The following ANK2 variants were observed in gnomAD, a reference collection of about 807,000 sequenced individuals.
ANK2 encodes ankyrin-2.
In ANK2, 83 loss-of-function variants were observed where a neutral mutation model predicts 360.5. The ratio of observed to expected loss-of-function variants is 0.23; its 90% confidence interval spans 0.19 to 0.28. ANK2 has a LOEUF of 0.28. Ranked by LOEUF, ANK2 falls within the 10% of genes least tolerant of loss-of-function variation. The pLI is 1.00. For missense variants in ANK2, 4,201 were observed against 4,795.7 expected (o/e 0.88, Z 3.66); for synonymous variants, 1,740 against 1,759.5 (o/e 0.99, Z 0.28).
chr4:113,299,433 G>A (rs1295639686), intron 22 of ANK2, among the ~76,000 whole-genome samples: 2 of 152,240 alleles, frequency 1.3e-5, no homozygotes, highest in African/African-American at 2.4e-5. Flanking sequence ...GGTCAGCCGC[G>A]GTAGCTCACA....
intron 1 of ANK2, among the ~76,000 whole-genome samples, chr4:112,872,058 AT>A (rs2073277217): frequency 7.0e-6 from 1 of 143,248 alleles, no homozygotes; most frequent in East Asian, 2.0e-4. Flanking sequence ...CAGAGGTCTC[AT>A]TCTATTACCC....
the ANK2 span, among the ~76,000 whole-genome samples, chr4:112,786,326 T>A: frequency 2.6e-5 from 4 of 151,148 alleles, no homozygotes; most frequent in African/African-American, 9.7e-5. Context: ...TAGATCTCCA[T>A]CATTTTGTGT....
chr4:113,188,449 C>T (rs2153340102), intron 2 of ANK2, among the ~76,000 whole-genome samples: 1 of 152,216 alleles, frequency 6.6e-6, no homozygotes, highest in South Asian at 2.1e-4. Flanking sequence ...ATTTCTTCTA[C>T]TTATAGGGGG....
intron 26 of ANK2, among the ~76,000 whole-genome samples, chr4:113,322,359 T>C (rs2086760894): frequency 6.6e-6 from 1 of 152,226 alleles, no homozygotes; most frequent in African/African-American, 2.4e-5. Context: ...ATTTGCTGTT[T>C]ATTTTAAAGT....
At chr4:113,038,784 C>G (rs1158123763) in intron 2 of ANK2, among the ~76,000 whole-genome samples, 1 of 151,954 alleles carries the variant, frequency 6.6e-6, no homozygotes, top group African/African-American at 2.4e-5. Context: ...AGTGAAAACC[C>G]AAGCCATGTG....
chr4:112,712,355 C>T, the ANK2 span, among the ~76,000 whole-genome samples: 2 of 147,412 alleles, frequency 1.4e-5, no homozygotes, highest in Non-Finnish European at 3.0e-5. Flanking sequence ...GCTGGGATTA[C>T]AGGTGTGAGC....
chr4:113,213,811 T>C lies in ANK2; in HGVS notation c.384+14702T>C, dbSNP rs543153503. ...CCAAAAACCACTGCAAACATCAGTA[T>C]TCTCATTAAAGGCAGTAACAAGAAA... On this transcript the variant is annotated intron_variant, in intron 4 of 45. Transcript: ENST00000357077. 5.3e-5 allele frequency among the ~76,000 whole-genome samples: 8 copies of C among 152,244 alleles called. No homozygotes were observed. In the South Asian group the frequency reaches 1.7e-3, roughly 32 times the overall value.
chr4:112,723,044 C>T, the ANK2 span, among the ~76,000 whole-genome samples: 1 of 152,150 alleles, frequency 6.6e-6, no homozygotes, highest in Non-Finnish European at 1.5e-5. Flanking sequence ...AGTCTGGGCT[C>T]ATTGCCATCC....
At chr4:113,058,207 G>A (rs2071149354) in intron 1 of ANK2, among the ~76,000 whole-genome samples, 1 of 152,058 alleles carries the variant, frequency 6.6e-6, no homozygotes, top group African/African-American at 2.4e-5. Context: ...ATAGTTAAAG[G>A]AATAAAGGGG....
At chr4:112,808,329 A>G in the ANK2 span, among the ~76,000 whole-genome samples, 1 of 152,234 alleles carries the variant, frequency 6.6e-6, no homozygotes, top group Non-Finnish European at 1.5e-5. Flanking sequence ...AGCAAAAATC[A>G]TGTCAAATAG....
At chr4:113,152,590 T>C (rs1033042527) in intron 1 of ANK2, among the ~76,000 whole-genome samples, 3 of 152,218 alleles carry the variant, frequency 2.0e-5, no homozygotes, top group African/African-American at 7.2e-5. Flanking sequence ...TGGGCTTATG[T>C]GACTATAGTA....
intron 2 of ANK2, among the ~76,000 whole-genome samples, chr4:113,176,560 A>G (rs2098211159): frequency 6.6e-6 from 1 of 152,070 alleles, no homozygotes; most frequent in Admixed American, 6.5e-5. Context: ...ATATGGATAT[A>G]TGGACTTATT....
chr4:112,720,267 A>G, the ANK2 span, among the ~76,000 whole-genome samples: 8 of 152,024 alleles, frequency 5.3e-5, no homozygotes, highest in Non-Finnish European at 1.2e-4. Context: ...CCCTCTGTTG[A>G]CCTGGTACTT....
intron 1 of ANK2, among the ~76,000 whole-genome samples, chr4:113,156,377 T>TTTTTTTTTTTTTTTTTTTTTTTTTTTTG (rs1183663966): frequency 6.8e-6 from 1 of 146,232 alleles, no homozygotes. Context: ...AATTCTTTTT[T>TTTTTTTTTTTTTTTTTTTTTTTTTTTTG]TTTTGTTTTT....
chr4:112,738,885 A>G, the ANK2 span: 2 of 669,146 alleles, frequency 3.0e-6, no homozygotes, highest in East Asian at 3.7e-5. Context: ...AAACAAACAA[A>G]CAAAAAAACA....
At chr4:113,365,348 C>T (rs1218373568) in intron 41 of ANK2, among the ~76,000 whole-genome samples, 166 bp downstream of exon 41, 2 of 151,732 alleles carry the variant, frequency 1.3e-5, no homozygotes, top group Non-Finnish European at 2.9e-5. Context: ...TGAGGCTTTC[C>T]TCCCTGTTTT....
chr4:113,177,601 G>C (rs1448928959), intron 2 of ANK2, among the ~76,000 whole-genome samples: 2 of 152,236 alleles, frequency 1.3e-5, no homozygotes, highest in Non-Finnish European at 1.5e-5. Context: ...TTGTATGAAA[G>C]GTCTTAGGGT....
At chr4:112,737,236 A>G in the ANK2 span, among the ~76,000 whole-genome samples, 65 of 152,334 alleles carry the variant, frequency 4.3e-4, no homozygotes, top group African/African-American at 1.5e-3. Context: ...ATTTTTCATA[A>G]CTAAAAGAAA....
chr4:113,260,182 T>TAA (rs2051975540), intron 13 of ANK2, among the ~76,000 whole-genome samples: 1 of 152,202 alleles, frequency 6.6e-6, no homozygotes, highest in Non-Finnish European at 1.5e-5. Context: ...TGGCCACTCT[T>TAA]ACTTTGCTTC....
Sources: allele counts gnomAD v4.1 joint callset (sites outside exome capture counted in the v4.1 genomes callset), GRCh38; gene constraint gnomAD v4.1.1; transcripts MANE v1.5; gene names NCBI Gene and HGNC (gene_info 2026-07-23, HGNC 2026-07-21).